RNGTT: variants seen among roughly 807,000 people sequenced by gnomAD.
RNGTT encodes the protein mRNA-capping enzyme.
RNGTT carries 33 observed loss-of-function variants against 79.3 expected under a neutral mutation model. The observed-to-expected ratio is 0.42, with a 90% confidence interval of 0.32 to 0.56. The LOEUF (loss-of-function observed/expected upper bound fraction) is 0.56. Ranked by LOEUF, RNGTT falls within the 20% of genes least tolerant of loss-of-function variation. The pLI is 0.17. For synonymous variants in RNGTT, 222 were observed against 235.9 expected (o/e 0.94, Z 0.54); for missense variants, 497 against 739.1 (o/e 0.67, Z 3.80).
intron 11 of RNGTT, among the ~76,000 whole-genome samples, chr6:88,820,791 A>G (rs1463809738): frequency 1.3e-5 from 2 of 152,166 alleles, no homozygotes; most frequent in Non-Finnish European, 2.9e-5. Flanking sequence ...CAGAATTCCA[A>G]CGAAAGAAAC....
At chr6:88,732,458 A>T (rs1021475768) in intron 13 of RNGTT, among the ~76,000 whole-genome samples, 1 of 152,204 alleles carries the variant, frequency 6.6e-6, no homozygotes. Context: ...GCAGTTCCTT[A>T]AAAAATTAAA....
intron 13 of RNGTT, among the ~76,000 whole-genome samples, chr6:88,687,324 ATAC>A (rs1228725642): frequency 6.6e-6 from 1 of 152,176 alleles, no homozygotes; most frequent in Non-Finnish European, 1.5e-5. Flanking sequence ...ACACTCTCGT[ATAC>A]TACTATTGGA....
chr6:88,793,682 A>C (rs947517726), intron 12 of RNGTT, among the ~76,000 whole-genome samples: 3 of 152,124 alleles, frequency 2.0e-5, no homozygotes, highest in African/African-American at 7.2e-5. Flanking sequence ...CTGGCCAACA[A>C]GGTAAAATGC....
At chr6:88,838,380 T>A (rs1385058468) in intron 11 of RNGTT, among the ~76,000 whole-genome samples, 1 of 152,112 alleles carries the variant, frequency 6.6e-6, no homozygotes, top group Non-Finnish European at 1.5e-5. Context: ...TCACAAAAAA[T>A]TATTAGTATA....
At chr6:88,852,749 G>A (rs78282193) in intron 9 of RNGTT, among the ~76,000 whole-genome samples, 2,869 of 152,174 alleles carry the variant, frequency 0.019, 83 homozygotes, top group African/African-American at 0.065. Context: ...TCACTTGTAC[G>A]GACATGTAGG....
At chr6:88,900,094 A>T (rs1433307782) in intron 6 of RNGTT, among the ~76,000 whole-genome samples, 1 of 151,964 alleles carries the variant, frequency 6.6e-6, no homozygotes, top group African/African-American at 2.4e-5. Context: ...AATTTTTCAT[A>T]AACAATGTCT....
intron 13 of RNGTT, among the ~76,000 whole-genome samples, chr6:88,744,578 T>C (rs1254445235): frequency 6.6e-6 from 1 of 152,138 alleles, no homozygotes; most frequent in Non-Finnish European, 1.5e-5. Flanking sequence ...CTACTCTTTA[T>C]AAATACAGAA....
At chr6:88,821,496 A>T (rs940404851) in intron 11 of RNGTT, among the ~76,000 whole-genome samples, 1 of 152,122 alleles carries the variant, frequency 6.6e-6, no homozygotes, top group African/African-American at 2.4e-5. Flanking sequence ...AAAGAAAAGT[A>T]TAAAAGATAA....
chr6:88,797,926 T>G (rs80132169), intron 12 of RNGTT, among the ~76,000 whole-genome samples: 1 of 124,224 alleles, frequency 8.0e-6, no homozygotes, highest in Non-Finnish European at 1.6e-5. Context: ...TGTGTAGAAC[T>G]GTAGAAGCAA....
chr6:88,644,659 C>A (rs1251570434), intron 14 of RNGTT, among the ~76,000 whole-genome samples: 1 of 152,180 alleles, frequency 6.6e-6, no homozygotes, highest in Admixed American at 6.5e-5. Context: ...CCATCATGAT[C>A]AAGTGGGCTT....
chr6:88,952,332 C>T (rs1255707241), intron 1 of RNGTT, among the ~76,000 whole-genome samples: 1 of 152,158 alleles, frequency 6.6e-6, no homozygotes, highest in South Asian at 2.1e-4. Context: ...TATTTCTCTA[C>T]CTGCCCTGGT....
intron 8 of RNGTT, among the ~76,000 whole-genome samples, chr6:88,876,260 G>A (rs1468425929): frequency 1.3e-5 from 2 of 152,192 alleles, no homozygotes; most frequent in African/African-American, 4.8e-5. Flanking sequence ...TGAGTATTGT[G>A]GCTCAGGCCT....
At chr6:88,731,265 TC>T (rs780464952) in intron 13 of RNGTT, among the ~76,000 whole-genome samples, 5 of 152,114 alleles carry the variant, frequency 3.3e-5, no homozygotes, top group Non-Finnish European at 7.4e-5. Flanking sequence ...AGCCCACAGG[TC>T]TTAGCTAGAC....
chr6:88,698,282 C>T (rs1312357991), intron 13 of RNGTT, among the ~76,000 whole-genome samples: 4 of 93,064 alleles, frequency 4.3e-5, no homozygotes, highest in African/African-American at 2.3e-4. Flanking sequence ...ATATATATTT[C>T]ATATATATCA....
chr6:88,721,187 T>C lies in RNGTT; in HGVS notation c.1440-42768A>G, dbSNP rs550594705. On this transcript the variant is annotated intron_variant, in intron 13 of 15. Transcript: ENST00000369485. ...TTCACTGGTATGGTTTTAACACATA[T>C]GAATTGATCACTTCCAAATCTCTAC... Among the ~76,000 whole-genome samples the C allele has an allele frequency of 1.4e-3, 213 of 152,248 alleles. 1 individual carries two copies. The Middle Eastern group carries it at 0.017, about 12-fold the overall frequency.
intron 14 of RNGTT, among the ~76,000 whole-genome samples, chr6:88,650,816 GA>G (rs1235447717): frequency 2.0e-5 from 3 of 152,000 alleles, no homozygotes; most frequent in African/African-American, 4.8e-5. Flanking sequence ...AAAAGTAAAA[GA>G]AAAACAACAA....
chr6:88,949,160 A>AAAAAAAAAAAAAAAAAAAAAAATG (rs1562077168), intron 1 of RNGTT, among the ~76,000 whole-genome samples: 1 of 35,072 alleles, frequency 2.9e-5, no homozygotes, highest in African/African-American at 1.5e-4. Context: ...AAATAAAATG[A>AAAAAAAAAAAAAAAAAAAAAAATG]AAAAAAAAAA....
chr6:88,620,062 C>A (rs977096779), intron 14 of RNGTT, among the ~76,000 whole-genome samples: 2 of 152,196 alleles, frequency 1.3e-5, no homozygotes, highest in Admixed American at 1.3e-4. Flanking sequence ...ACACGTTAGA[C>A]TAGTACTTCA....
intron 11 of RNGTT, among the ~76,000 whole-genome samples, chr6:88,829,756 C>CAGACTTTAA (rs1219633039): frequency 7.8e-6 from 1 of 127,832 alleles, no homozygotes; most frequent in Non-Finnish European, 1.7e-5. Context: ...TCTGATAAAA[C>CAGACTTTAA]AGACTTTAAA....
Sources: allele counts gnomAD v4.1 joint callset (sites outside exome capture counted in the v4.1 genomes callset), GRCh38; gene constraint gnomAD v4.1.1; transcripts MANE v1.5; gene names NCBI Gene and HGNC (gene_info 2026-07-23, HGNC 2026-07-21).